LIPA: variants seen among roughly 807,000 people sequenced by gnomAD.
The protein encoded by LIPA is lipase A, lysosomal acid type, also known as lysosomal acid lipase/cholesteryl ester hydrolase.
In LIPA, 26 loss-of-function variants were observed where a neutral mutation model predicts 40.6. The ratio of observed to expected loss-of-function variants is 0.64; its 90% CI spans 0.47 to 0.89. LIPA has a LOEUF of 0.89. LIPA is among the 40% of genes least tolerant of loss of function. The pLI, the probability that LIPA is intolerant of heterozygous loss-of-function variation, is 0.00. For synonymous variants in LIPA, 188 were observed against 168.4 expected, an observed-to-expected ratio of 1.12 and a Z score of -0.90; for missense variants, 455 against 479.6, an observed-to-expected ratio of 0.95 and a Z score of 0.48.
At chr10:89,307,630 G>A (rs986739671) in intron 1 of LIPA, 2 of 368,240 alleles carry the variant, frequency 5.4e-6, no homozygotes, top group South Asian at 1.1e-4. Context: ...TTGACTTCTT[G>A]AGTGCAATTT....
chr10:89,409,033 A>G (rs1159231471), intron 2 of LIPA, among the ~76,000 whole-genome samples: 1 of 152,208 alleles, frequency 6.6e-6, no homozygotes, highest in Non-Finnish European at 1.5e-5. Context: ...TAACTAAGGG[A>G]AAGGAAGAAA....
Position 89,214,475 on chromosome 10 carries a change from CA to C in LIPA, c.*352del, listed in dbSNP as rs146813341. 3.4e-3 allele frequency: 672 copies of C among 199,406 alleles called. 3 individuals are homozygous for C. The highest frequency in any genetic ancestry group is 0.015 in the African/African-American group (642 of 42,070). 12.4% of individuals were successfully genotyped at this position (199,406 alleles called of 1,614,324 possible). A position where few individuals can be genotyped will look rare whatever the true frequency, so the allele number is the denominator to read the frequency against. ...CAATGACAACACAATTTTAAAATTCCAACACATATATTACTTTGTCCTATGA... is the reference window on the plus strand; with the variant it reads ...CAATGACAACACAATTTTAAAATTCCACACATATATTACTTTGTCCTATGA... On this transcript the variant is annotated 3_prime_UTR_variant, in exon 10 of 10. Transcript: ENST00000336233.
At chr10:89,221,199 T>C (rs1000396005) in intron 8 of LIPA, among the ~76,000 whole-genome samples, 2 of 151,674 alleles carry the variant, frequency 1.3e-5, no homozygotes, top group African/African-American at 4.8e-5. Context: ...ATATTCTATG[T>C]CACTTATACC....
chr10:89,346,778 T>G (rs996706691), upstream of LIPA, among the ~76,000 whole-genome samples: 2 of 152,204 alleles, frequency 1.3e-5, no homozygotes, highest in African/African-American at 4.8e-5. Flanking sequence ...GTGTCCTAGG[T>G]ATGCCCAAGA....
At chr10:89,229,663 G>A (rs1334467026) in intron 3 of LIPA, among the ~76,000 whole-genome samples, 2 of 150,846 alleles carry the variant, frequency 1.3e-5, no homozygotes, top group Non-Finnish European at 2.9e-5. Context: ...TGAGGCAGGA[G>A]AATTGCTTGA....
intron 2 of LIPA, chr10:89,362,579 G>A: frequency 3.1e-6 from 1 of 327,474 alleles, no homozygotes; most frequent in Non-Finnish European, 5.9e-6. Flanking sequence ...CAGGTGACCT[G>A]GGGCAACTTT....
intron 5 of LIPA, among the ~76,000 whole-genome samples, chr10:89,225,873 A>C (rs1352542904): frequency 6.6e-6 from 1 of 152,068 alleles, no homozygotes; most frequent in Non-Finnish European, 1.5e-5. Context: ...TATAAGGGGA[A>C]ACTCCCTCAC....
Position 89,339,279 on chromosome 10 carries a change from C to T in LIPA, c.-2+3332G>A, listed in dbSNP as rs375379157. On this transcript the variant is annotated intron_variant, in intron 1 of 5. Transcript: ENST00000282673. ...TTGAGCTGAGTCCTGATAACCAATA[C>T]GTCAAGGTTCTCTTGGGCCTGAAAC... 3.2e-5 allele frequency: 52 copies of T among 1,614,018 alleles called. 1 individual carries two copies. The highest frequency in any genetic ancestry group is 3.0e-4 in the Admixed American group (18 of 59,996).
In LIPA at chr10:89,232,604, C is replaced by G. The variant is rs1236433318; in HGVS notation, c.230-4206G>C. Among the ~76,000 whole-genome samples, 5 of 152,062 alleles carry G rather than the reference C, an allele frequency of 3.3e-5. No individual in the cohort carries two copies. The East Asian group carries it at 9.6e-4, about 29-fold the overall frequency. ...GGAATGGTTTGAAACCAAAGAGGGCCCTGGGGCAAGGATAATTGAGAGAGG... is the reference window on the plus strand; with the variant it reads ...GGAATGGTTTGAAACCAAAGAGGGCGCTGGGGCAAGGATAATTGAGAGAGG... On this transcript the variant is annotated intron_variant, in intron 3 of 9. Transcript: ENST00000336233.
At chr10:89,265,390 C>T (rs950649367) in intron 1 of LIPA, among the ~76,000 whole-genome samples, 2 of 152,172 alleles carry the variant, frequency 1.3e-5, no homozygotes, top group African/African-American at 4.8e-5. Context: ...GGTCACACCT[C>T]CCCTGGTGCA....
At chr10:89,367,951 T>C (rs1226341855) in intron 2 of LIPA, among the ~76,000 whole-genome samples, 4 of 152,134 alleles carry the variant, frequency 2.6e-5, no homozygotes, top group African/African-American at 4.8e-5. Context: ...TCCAATTAGC[T>C]AGAACTACAG....
At chr10:89,248,442 A>ATATTTATTTATT (rs199626090) in intron 1 of LIPA, among the ~76,000 whole-genome samples, 2 of 136,416 alleles carry the variant, frequency 1.5e-5, no homozygotes, top group African/African-American at 5.4e-5. Flanking sequence ...TTATTATTTT[A>ATATTTATTTATT]TATTTATTTA....
At chr10:89,396,304 A>C (rs572747138) in intron 2 of LIPA, among the ~76,000 whole-genome samples, 2 of 152,182 alleles carry the variant, frequency 1.3e-5, no homozygotes, top group African/African-American at 2.4e-5. Flanking sequence ...ACAATTTCTA[A>C]GGCTGGGCAA....
chr10:89,291,504 C>T (rs371034088), intron 1 of LIPA, among the ~76,000 whole-genome samples: 2 of 152,166 alleles, frequency 1.3e-5, no homozygotes, highest in Admixed American at 6.5e-5. Context: ...TACCACAATA[C>T]ATGATACCAT....
In LIPA at chr10:89,223,728, G is replaced by A; in HGVS notation, c.778C>T (p.Leu260Phe). Residue 260 changes from leucine to phenylalanine, a missense_variant, in exon 7 of 10, where the codon CTC becomes TTC. Transcript: ENST00000336233. ...TTAAATCCACACAGAAGAAAACAGAGATTTCCACAGAGCTCCTTCAGTATG... is the reference window on the plus strand; with the variant it reads ...TTAAATCCACACAGAAGAAAACAGAAATTTCCACAGAGCTCCTTCAGTATG... ...HVILKELCGN[L>F]CFLLCGFNER... The A allele has an allele frequency of 6.2e-7, 1 of 1,613,392 alleles. No homozygotes were observed. Among genetic ancestry groups the A allele is most frequent in the Non-Finnish European group, 8.5e-7 (1 of 1,179,416 alleles).
chr10:89,309,789 A>G (rs1843505660), intron 1 of LIPA, among the ~76,000 whole-genome samples: 1 of 152,260 alleles, frequency 6.6e-6, no homozygotes. Flanking sequence ...ACATAGCTCC[A>G]GTTTCCTGAA....
At chr10:89,265,032 C>T (rs1403676315) in intron 1 of LIPA, among the ~76,000 whole-genome samples, 1 of 152,242 alleles carries the variant, frequency 6.6e-6, no homozygotes, top group Non-Finnish European at 1.5e-5. Flanking sequence ...GAGGCCCAGG[C>T]AGCAGGGGGC....
chr10:89,219,039 A>T (rs548847267), intron 8 of LIPA, among the ~76,000 whole-genome samples: 1 of 152,322 alleles, frequency 6.6e-6, no homozygotes, highest in South Asian at 2.1e-4. Flanking sequence ...CTAGACATAC[A>T]AGTCATTTTT....
chr10:89,289,778 C>G (rs1843361983), intron 1 of LIPA, among the ~76,000 whole-genome samples: 1 of 152,148 alleles, frequency 6.6e-6, no homozygotes, highest in African/African-American at 2.4e-5. Context: ...AATACTTTCA[C>G]CCCGATGAAG....
Sources: allele counts gnomAD v4.1 joint callset (sites outside exome capture counted in the v4.1 genomes callset), GRCh38; gene constraint gnomAD v4.1.1; transcripts MANE v1.5; gene names NCBI Gene and HGNC (gene_info 2026-07-23, HGNC 2026-07-21).